The following CFAP299 variants were observed in gnomAD, a reference collection of about 807,000 sequenced individuals.
CFAP299 encodes the protein cilia and flagella associated protein 299.
CFAP299 carries 21 observed loss-of-function variants against 27.0 expected under a neutral mutation model. The observed-to-expected ratio is 0.78, with a 90% CI of 0.55 to 1.12. The LOEUF is 1.12. Among genes scored for constraint, CFAP299 ranks in the 50% most tolerant of loss-of-function variants. CFAP299 has a pLI of 0.00. For synonymous variants in CFAP299, 104 were observed against 98.1 expected, an observed-to-expected ratio of 1.06 and a Z score of -0.36; for missense variants, 310 against 276.6, an observed-to-expected ratio of 1.12 and a Z score of -0.86.
chr4:80,950,256 C>G (rs538509600), intron 5 of CFAP299, among the ~76,000 whole-genome samples: 9 of 151,458 alleles, frequency 5.9e-5, no homozygotes, highest in Admixed American at 2.0e-4. Context: ...TCCCTCCACC[C>G]CCCCCCTTTC....
intron 2 of CFAP299, among the ~76,000 whole-genome samples, chr4:80,466,547 T>A (rs1256067841): frequency 1.3e-5 from 2 of 152,098 alleles, no homozygotes; most frequent in Non-Finnish European, 2.9e-5. Flanking sequence ...TGAGGTACAG[T>A]CCTTTTCTGG....
intron 3 of CFAP299, among the ~76,000 whole-genome samples, chr4:80,794,549 T>C (rs1727746895): frequency 6.6e-6 from 1 of 152,154 alleles, no homozygotes; most frequent in Admixed American, 6.5e-5. Flanking sequence ...CATTCCACTG[T>C]TCTATCAATC....
chr4:80,921,454 A>G (rs1267654643), intron 4 of CFAP299, among the ~76,000 whole-genome samples: 2 of 152,078 alleles, frequency 1.3e-5, no homozygotes, highest in African/African-American at 4.8e-5. Flanking sequence ...GCCTTGAAAG[A>G]CAGGGGAATG....
chr4:80,620,460 A>T (rs561644555), intron 3 of CFAP299, among the ~76,000 whole-genome samples: 5 of 152,274 alleles, frequency 3.3e-5, no homozygotes, highest in Admixed American at 6.5e-5. Context: ...GATAGCAGAC[A>T]TGTTCATATA....
At chr4:80,354,549 G>T (rs1281720650) in intron 1 of CFAP299, among the ~76,000 whole-genome samples, 1 of 151,926 alleles carries the variant, frequency 6.6e-6, no homozygotes, top group Non-Finnish European at 1.5e-5. Flanking sequence ...CAAGTTCAGG[G>T]TTACATGTAC....
At chr4:80,868,554 C>A (rs1298749028) in intron 3 of CFAP299, among the ~76,000 whole-genome samples, 1 of 152,180 alleles carries the variant, frequency 6.6e-6, no homozygotes, top group Non-Finnish European at 1.5e-5. Flanking sequence ...CATCCTCACC[C>A]CACAAGGTCA....
chr4:80,414,543 C>T (rs1345794673), intron 2 of CFAP299, among the ~76,000 whole-genome samples: 2 of 152,144 alleles, frequency 1.3e-5, no homozygotes, highest in African/African-American at 4.8e-5. Flanking sequence ...AAATGAAGCA[C>T]AATAATTAGG....
chr4:80,755,189 A>T (rs79341246), intron 3 of CFAP299, among the ~76,000 whole-genome samples: 1,797 of 152,236 alleles, frequency 0.012, 39 homozygotes, highest in African/African-American at 0.04. Flanking sequence ...TAATAGAAAT[A>T]ATCTGAATGG....
At chr4:80,402,172 CT>C (rs1726195875) in intron 2 of CFAP299, among the ~76,000 whole-genome samples, 1 of 152,072 alleles carries the variant, frequency 6.6e-6, no homozygotes, top group Non-Finnish European at 1.5e-5. Flanking sequence ...AGGCTGTGGA[CT>C]TTTGGATTAA....
intron 2 of CFAP299, among the ~76,000 whole-genome samples, chr4:80,463,301 A>G (rs1729544428): frequency 6.6e-6 from 1 of 152,220 alleles, no homozygotes; most frequent in South Asian, 2.1e-4. Context: ...CTACATGAGA[A>G]TGAGTCAGTT....
chr4:80,740,114 G>C (rs1414569639), intron 3 of CFAP299, among the ~76,000 whole-genome samples: 2 of 151,950 alleles, frequency 1.3e-5, no homozygotes, highest in African/African-American at 2.4e-5. Context: ...TGAATTTTCT[G>C]TCTGAAAGGT....
intron 4 of CFAP299, among the ~76,000 whole-genome samples, chr4:80,882,563 G>A (rs1297420859): frequency 1.3e-5 from 2 of 151,944 alleles, no homozygotes; most frequent in African/African-American, 4.8e-5. Flanking sequence ...GCGTGAACCC[G>A]GGAGGCGGAG....
intron 3 of CFAP299, among the ~76,000 whole-genome samples, chr4:80,849,447 G>T (rs945811946): frequency 6.6e-6 from 1 of 152,174 alleles, no homozygotes; most frequent in Admixed American, 6.5e-5. Context: ...TCCCTGAAAT[G>T]ATGGTTAATT....
chr4:80,345,697 C>G (rs1276017239), intron 1 of CFAP299, among the ~76,000 whole-genome samples: 1 of 152,110 alleles, frequency 6.6e-6, no homozygotes, highest in African/African-American at 2.4e-5. Context: ...ATGTTGGTTT[C>G]AAGTCTTTGC....
chr4:80,386,930 C>T (rs149226058), intron 2 of CFAP299: 167 of 850,880 alleles, frequency 2.0e-4, no homozygotes, highest in Middle Eastern at 4.4e-4. Context: ...TGTGAGCGCG[C>T]AGTTTGAGGT....
intron 3 of CFAP299, among the ~76,000 whole-genome samples, chr4:80,857,604 T>C (rs1211203759): frequency 6.6e-6 from 1 of 152,218 alleles, no homozygotes; most frequent in African/African-American, 2.4e-5. Context: ...AATTGAGAGT[T>C]TTTAGCATGA....
intron 3 of CFAP299, among the ~76,000 whole-genome samples, chr4:80,749,232 G>A (rs1724791263): frequency 6.6e-6 from 1 of 152,100 alleles, no homozygotes; most frequent in Non-Finnish European, 1.5e-5. Flanking sequence ...TAGGTGTAAA[G>A]CTTTGAAATC....
intron 3 of CFAP299, among the ~76,000 whole-genome samples, chr4:80,798,807 G>A (rs1354259063): frequency 6.6e-6 from 1 of 151,898 alleles, no homozygotes; most frequent in East Asian, 1.9e-4. Flanking sequence ...TATGTATAGA[G>A]TCACTAAACT....
intron 3 of CFAP299, among the ~76,000 whole-genome samples, chr4:80,674,639 C>A (rs1719291227): frequency 6.6e-6 from 1 of 152,138 alleles, no homozygotes; most frequent in African/African-American, 2.4e-5. Flanking sequence ...TTCCATTCTC[C>A]CCGTCACTTT....
Sources: gnomAD v4.1 joint callset for allele counts (sites outside exome capture counted in the v4.1 genomes callset) on GRCh38, gnomAD v4.1.1 for gene constraint, MANE v1.5 for transcripts, NCBI Gene and HGNC (gene_info 2026-07-23, HGNC 2026-07-21) for gene names.